Variants in MMP11 observed in about 807,000 individuals in gnomAD.
MMP11 encodes stromelysin-3.
In MMP11, 26 loss-of-function variants were observed where a neutral mutation model predicts 49.5. That is an observed-to-expected ratio of 0.52 (90% CI 0.38 to 0.73). The LOEUF is 0.73. MMP11 is among the 30% of genes least tolerant of loss of function. MMP11 has a pLI of 0.00. For synonymous variants in MMP11, 265 were observed against 282.3 expected, an observed-to-expected ratio of 0.94 and a Z score of 0.62; for missense variants, 624 against 671.2, an observed-to-expected ratio of 0.93 and a Z score of 0.78.
intron 1 of MMP11, among the ~76,000 whole-genome samples, chr22:23,774,741 G>A (rs1927351751): frequency 6.6e-6 from 1 of 152,078 alleles, no homozygotes; most frequent in Non-Finnish European, 1.5e-5. Flanking sequence ...GACATCAGAA[G>A]GCATAGCTAT....
chr22:23,779,009 C>G (rs937683752), intron 1 of MMP11, among the ~76,000 whole-genome samples, 178 bp from the exon 2 acceptor site: 1 of 152,182 alleles, frequency 6.6e-6, no homozygotes, highest in Non-Finnish European at 1.5e-5. Context: ...GCCAAGAAAC[C>G]AGAGAGCCAG....
Position 23,782,501 on chromosome 22 carries a change from C to T in MMP11, c.1333+18C>T. ...TGCTGATGGTGCGTTGGGGGTGAGG[C>T]AGCTGGTGGGAGGTGGGCACAGCAG... On this transcript the variant is annotated intron_variant, in intron 7 of 7. Coordinates refer to ENST00000215743, the MANE Select transcript of MMP11 (RefSeq NM_005940.5). 1 of 1,593,056 alleles carries T rather than the reference C, an allele frequency of 6.3e-7. No individual in the cohort carries two copies.
In MMP11 at chr22:23,780,649, A is replaced by C; in HGVS notation, c.550A>C (p.Lys184Gln). 1 of 1,585,850 alleles carries C rather than the reference A, an allele frequency of 6.3e-7. No homozygotes were observed. Among genetic ancestry groups the C allele is most frequent in the Non-Finnish European group, 8.6e-7 (1 of 1,167,816 alleles). Residue 184 changes from lysine (K) to glutamine (Q), a missense_variant, in exon 4 of 8, where the codon AAG (lysine) becomes CAG (glutamine). Physicochemically the swap from Lys to Gln is moderately conservative, Grantham distance 53 (BLOSUM62 1). Coordinates refer to ENST00000215743, the MANE Select transcript of MMP11 (RefSeq NM_005940.5). This position sits in a 1 kb window ranked among gnomAD's most constrained non-coding sequence, Gnocchi z 4.6. ...GGILAHAFFP[K>Q]THREGDVHFD... ...CATCCTGGCCCATGCCTTCTTCCCC[A>C]AGACTCACCGAGAAGGGGATGTCCA...
chr22:23,779,232 C>G lies in MMP11; in HGVS notation c.154C>G (p.His52Asp). 1 of 1,608,450 alleles carries G rather than the reference C, an allele frequency of 6.2e-7. No homozygotes were observed. The highest frequency in any genetic ancestry group is 8.5e-7 in the Non-Finnish European group (1 of 1,178,174). ...HAERRGPQPW[H>D]AALPSSPAPA... is the part of the protein sequence containing the mutation. ...CGAGAGGAGGGGGCCACAGCCCTGG[C>G]ATGCAGCCCTGCCCAGTAGCCCGGC... The change falls in exon 2 of 8, where the codon CAT (histidine) becomes GAT (aspartate). Residue 52 changes from histidine to aspartate, a missense_variant. Transcript: ENST00000215743.
rs767202616 is a variant in MMP11, at chr22:23,780,494, CTT to C, written c.475_476del (p.Phe159ArgfsTer12). ...HEGRADIMID[F>X]ARYWHGDDLP... ...AGGGCCGTGCTGACATCATGATCGA[CTT>C]CGCCAGGTGAATGGGCGGCCTGGGA... is the stretch of plus-strand genomic sequence containing the variant. On this transcript the variant is annotated frameshift_variant, in exon 3 of 8. Coordinates refer to ENST00000215743, the MANE Select transcript of MMP11 (RefSeq NM_005940.5). LOFTEE classifies it high-confidence loss of function. The surrounding 1 kb of genome is among the most constrained non-coding windows in gnomAD (Gnocchi z 4.6). 3 of 1,613,932 alleles carry C rather than the reference CTT, an allele frequency of 1.9e-6. No homozygotes were observed. The highest frequency in any genetic ancestry group is 3.3e-5 in the Admixed American group (2 of 60,024).
Position 23,780,872 on chromosome 22 carries a change from G to A in MMP11, c.630G>A (p.Leu210=), listed in dbSNP as rs1419808078. 6.2e-7 allele frequency: 1 copy of A among 1,613,608 alleles called. No individual in the cohort carries two copies. The highest frequency in any genetic ancestry group is 8.5e-7 in the Non-Finnish European group (1 of 1,179,884). The change falls in exon 5 of 8, where the codon CTG becomes CTA. Residue 210 remains leucine, a synonymous_variant. Transcript: ENST00000215743. This position sits in a 1 kb window ranked among gnomAD's most constrained non-coding sequence, Gnocchi z 4.6. ...TIGDDQGTDL[L]QVAAHEFGHV... Reference sequence around the variant, plus strand: ...TCCCTTTTTCAGGCACAGACCTGCTGCAGGTGGCAGCCCATGAATTTGGCC... The same window carrying A: ...TCCCTTTTTCAGGCACAGACCTGCTACAGGTGGCAGCCCATGAATTTGGCC...
At position 23,781,172 on chromosome 22, in the gene MMP11, T is replaced by C. The variant is rs551440363; in HGVS notation, c.859-21T>C. The C allele has an allele frequency of 8.1e-6, 13 of 1,610,308 alleles. No individual in the cohort carries two copies. The South Asian group carries it at 1.3e-4, about 16-fold the overall frequency. On this transcript the variant is annotated intron_variant, in intron 5 of 7. Transcript: ENST00000215743. ...GACTGCAGCATATGCCCTCAGCATG[T>C]GTCCCTCTCTCCCACCCCAGCCAGA...
At chr22:23,776,828 G>A (rs1171499340) in intron 1 of MMP11, among the ~76,000 whole-genome samples, 1 of 144,176 alleles carries the variant, frequency 6.9e-6, no homozygotes, top group Non-Finnish European at 1.5e-5. Context: ...TTTTTTTTGA[G>A]ATGGAGTCTC....
In MMP11 at chr22:23,780,071, C is replaced by T; in HGVS notation, c.339-288C>T. 2.1e-6 allele frequency: 1 copy of T among 477,820 alleles called. No individual in the cohort carries two copies. Among genetic ancestry groups the T allele is most frequent in the Non-Finnish European group, 3.8e-6 (1 of 263,486 alleles). The allele number at this position is 477,820 out of a possible 1,614,324, so 29.6% of individuals were successfully genotyped here. On this transcript the variant is annotated intron_variant, in intron 2 of 7. Transcript: ENST00000215743. The surrounding 1 kb of genome is among the most constrained non-coding windows in gnomAD (Gnocchi z 4.6). Reference sequence around the variant, plus strand: ...ACAGGGGCTCAAGGAACCAAGGTGTCCCCACAGTAAGTGGCACTGTCAGGT... The same window carrying T: ...ACAGGGGCTCAAGGAACCAAGGTGTTCCCACAGTAAGTGGCACTGTCAGGT...
Position 23,779,255 on chromosome 22 carries a change from G to A in MMP11, c.177G>A (p.Pro59=), listed in dbSNP as rs764187989. Residue 59 remains proline, a synonymous_variant, in exon 2 of 8, where the codon CCG becomes CCA. Coordinates refer to ENST00000215743, the MANE Select transcript of MMP11 (RefSeq NM_005940.5). ...GGCATGCAGCCCTGCCCAGTAGCCCGGCACCTGCCCCTGCCACGCAGGAAG... is the reference window on the plus strand; with the variant it reads ...GGCATGCAGCCCTGCCCAGTAGCCCAGCACCTGCCCCTGCCACGCAGGAAG... ...QPWHAALPSS[P]APAPATQEAP... 5.0e-6 allele frequency: 8 copies of A among 1,609,280 alleles called. No homozygotes were observed. Among genetic ancestry groups the A allele is most frequent in the East Asian group, 2.2e-5 (1 of 44,756 alleles).
Position 23,780,250 on chromosome 22 carries a change from GT to G in MMP11, c.339-108del, listed in dbSNP as rs1927566183. 2.2e-6 allele frequency: 3 copies of G among 1,386,710 alleles called. No homozygotes were observed. In the African/African-American group the frequency reaches 4.3e-5, roughly 20 times the overall value. 85.9% of individuals were successfully genotyped at this position (1,386,710 alleles called of 1,614,324 possible). On this transcript the variant is annotated intron_variant, in intron 2 of 7. Transcript: ENST00000215743. This position sits in a 1 kb window ranked among gnomAD's most constrained non-coding sequence, Gnocchi z 4.6. ...CTGAGGCCCAGAGTACACCTGGCCTGTGTCCTGAGTGTTCACACACCCACCA... is the reference window on the plus strand; with the variant it reads ...CTGAGGCCCAGAGTACACCTGGCCTGGTCCTGAGTGTTCACACACCCACCA...
chr22:23,779,511 T>A, intron 2 of MMP11, 95 bp downstream of exon 2: 1 of 1,100,500 alleles, frequency 9.1e-7, no homozygotes, highest in Non-Finnish European at 1.3e-6. Context: ...CAGGCCAGGG[T>A]AGATCTTCGT....
intron 1 of MMP11, 151 bp downstream of exon 1, chr22:23,773,129 T>C (rs985097713): frequency 5.2e-6 from 5 of 959,540 alleles, no homozygotes; most frequent in Non-Finnish European, 6.4e-6. Context: ...CTAGGCGTGA[T>C]AGACAGCGAG....
At chr22:23,778,927 A>ACTTAG (rs1427923117) in intron 1 of MMP11, among the ~76,000 whole-genome samples, 2 of 152,226 alleles carry the variant, frequency 1.3e-5, no homozygotes, top group East Asian at 3.9e-4. Flanking sequence ...TGGCCTAAGT[A>ACTTAG]GCTGGAGTAG....
rs754635546 is a variant in MMP11, at chr22:23,781,120, T to C, written c.858+20T>C. 120 of 1,605,494 alleles carry C rather than the reference T, an allele frequency of 7.5e-5. No individual in the cohort carries two copies. The highest frequency in any genetic ancestry group is 1.0e-4 in the Non-Finnish European group (118 of 1,178,344). ...CTGGAGGTGAGGCCCTGCCTGCCAG[T>C]CCCCCTACTCCTCTGCTGGCCACTG... On this transcript the variant is annotated intron_variant, in intron 5 of 7. Transcript: ENST00000215743.
chr22:23,780,733 AT>A lies in MMP11; in HGVS notation c.616+22del. Reference sequence around the variant, plus strand: ...TGACCAGGGTATGGGCTGGGGACCCATTTTCCAGATGGGGCAACCGAAGATC... The same window carrying A: ...TGACCAGGGTATGGGCTGGGGACCCATTTCCAGATGGGGCAACCGAAGATC... On this transcript the variant is annotated intron_variant, in intron 4 of 7. Transcript: ENST00000215743. This position sits in a 1 kb window ranked among gnomAD's most constrained non-coding sequence, Gnocchi z 4.6. The A allele has an allele frequency of 6.5e-7, 1 of 1,546,202 alleles. No homozygotes were observed. The highest frequency in any genetic ancestry group is 8.7e-7 in the Non-Finnish European group (1 of 1,149,128).
intron 7 of MMP11, among the ~76,000 whole-genome samples, 195 bp from the exon 8 acceptor site, chr22:23,783,216 C>T (rs1259769377): frequency 6.6e-6 from 1 of 152,148 alleles, no homozygotes. Context: ...GATTCCGGGG[C>T]AGGCAGAAGG....
chr22:23,781,095 C>T lies in MMP11; in HGVS notation c.853C>T (p.Leu285=), dbSNP rs755554482. The T allele has an allele frequency of 3.5e-5, 56 of 1,607,618 alleles. No individual in the cohort carries two copies. Among genetic ancestry groups the T allele is most frequent in the Non-Finnish European group, 4.7e-5 (55 of 1,179,624 alleles). Residue 285 remains leucine, a synonymous_variant, in exon 5 of 8, where the codon CTG becomes TTG. Transcript: ENST00000215743. ...AGIDTNEIAP[L]EPDAPPDACE... is the part of the protein sequence containing the mutation. ...GATAGACACCAATGAGATTGCACCG[C>T]TGGAGGTGAGGCCCTGCCTGCCAGT...
intron 1 of MMP11, among the ~76,000 whole-genome samples, chr22:23,777,993 G>A (rs992872542): frequency 6.6e-6 from 1 of 152,246 alleles, no homozygotes; most frequent in Non-Finnish European, 1.5e-5. Flanking sequence ...GGTGTATGGA[G>A]CCTGGGAGAG....
Sources: allele counts gnomAD v4.1 joint callset (sites outside exome capture counted in the v4.1 genomes callset), GRCh38; gene constraint gnomAD v4.1.1; non-coding constraint Gnocchi (gnomAD v3.1); transcripts MANE v1.5; gene names NCBI Gene and HGNC (gene_info 2026-07-23, HGNC 2026-07-21).